AOX1: variants seen among roughly 807,000 people sequenced by gnomAD.
The protein encoded by AOX1 is aldehyde oxidase.
A neutral mutation model predicts 169.5 loss-of-function variants in AOX1; 153 were observed. The ratio of observed to expected loss-of-function variants is 0.90; its 90% CI spans 0.79 to 1.03. AOX1 has a LOEUF of 1.03. Ranked by LOEUF, AOX1 falls within the 50% of genes least tolerant of loss-of-function variation. The pLI, the probability that AOX1 is intolerant of heterozygous loss-of-function variation, is 0.00. For synonymous variants in AOX1, 562 were observed against 581.9 expected (o/e 0.97, Z 0.49); for missense variants, 1,656 against 1,663.9 (o/e 1.00, Z 0.08).
At position 200,651,090 on chromosome 2, in the gene AOX1, G is replaced by A. The variant is rs35999824; in HGVS notation, c.2964G>A (p.Leu988=). Residue 988 remains leucine (L), a synonymous_variant, in exon 26 of 35, where the codon TTG becomes TTA. Transcript: ENST00000374700. The stretch of plus-strand genomic sequence containing the variant: ...GTATGGCCATGTCTTCCTACTCCTT[G>A]AGGAAAGTTGCTGTGGAAAAGTTCA... ...RECMAMSSYS[L]RKVAVEKFNA... 1.5e-4 allele frequency: 239 copies of A among 1,614,178 alleles called. 5 individuals carry two copies. In the East Asian group the frequency reaches 4.1e-3, roughly 28 times the overall value.
At chr2:200,601,530 C>A (rs183604370) in intron 5 of AOX1, among the ~76,000 whole-genome samples, 1 of 152,026 alleles carries the variant, frequency 6.6e-6, no homozygotes, top group Non-Finnish European at 1.5e-5. Flanking sequence ...ATAACATTGA[C>A]CGTGGTGATG....
chr2:200,598,774 T>G (rs2034342736), intron 4 of AOX1, among the ~76,000 whole-genome samples: 1 of 151,952 alleles, frequency 6.6e-6, no homozygotes. Flanking sequence ...TTCCTCATTT[T>G]TATTGAAGTT....
Position 200,660,068 on chromosome 2 carries a change from G to A in AOX1, c.3374G>A (p.Trp1125Ter). ...AATCCTAAAGGAACTTGGAAAGACT[G>A]GGTGAGAATCAATGGTTCTCTGTAT... The part of the protein sequence containing the change: ...SKNPKGTWKD[W>*]AQTAFDESIN... Residue 1125 changes from tryptophan (W) to a stop codon, truncating the protein, a stop_gained and splice_region_variant, in exon 29 of 35, where the codon TGG becomes TAG. Coordinates refer to ENST00000374700, the MANE Select transcript of AOX1 (RefSeq NM_001159.4). LOFTEE classifies it high-confidence loss of function. The A allele has an allele frequency of 6.2e-7, 1 of 1,612,658 alleles. No homozygotes were observed.
At chr2:200,630,862 A>C (rs2035111317) in intron 20 of AOX1, among the ~76,000 whole-genome samples, 1 of 152,074 alleles carries the variant, frequency 6.6e-6, no homozygotes, top group African/African-American at 2.4e-5. Flanking sequence ...GGGTAAGGGG[A>C]GGGAGAGCAT....
chr2:200,651,130 TG>T lies in AOX1; in HGVS notation c.3006del (p.Trp1002Ter). On this transcript the variant is annotated frameshift_variant, in exon 26 of 35. Coordinates refer to ENST00000374700, the MANE Select transcript of AOX1 (RefSeq NM_001159.4). LOFTEE classifies it high-confidence loss of function. ...AVEKFNAENYWKKKGLAMVPL... is the reference protein window; with the variant it reads ...AVEKFNAENYXKKKGLAMVPL... ...GGAAAAGTTCAATGCAGAGAATTAT[TG>T]GAAGAAGAAAGGACTGGCCATGGTC... 6.2e-7 allele frequency: 1 copy of T among 1,614,190 alleles called. No individual in the cohort carries two copies. Among genetic ancestry groups the T allele is most frequent in the Non-Finnish European group, 8.5e-7 (1 of 1,180,028 alleles).
intron 4 of AOX1, among the ~76,000 whole-genome samples, chr2:200,599,173 A>T (rs1382114799): frequency 1.3e-5 from 2 of 152,030 alleles, no homozygotes; most frequent in East Asian, 1.9e-4. Flanking sequence ...TTTTTTATTT[A>T]TTTTTTTTCC....
chr2:200,619,696 A>T (rs1463574736), intron 16 of AOX1, among the ~76,000 whole-genome samples: 2 of 152,232 alleles, frequency 1.3e-5, no homozygotes, highest in Non-Finnish European at 2.9e-5. Context: ...CAACAGCAAG[A>T]TATTCTGCTC....
chr2:200,638,607 C>A (rs1247706491), intron 23 of AOX1, among the ~76,000 whole-genome samples: 1 of 152,124 alleles, frequency 6.6e-6, no homozygotes, highest in Non-Finnish European at 1.5e-5. Flanking sequence ...GATCTGATTA[C>A]CATACTTCTT....
chr2:200,663,685 G>C (rs1300860264), intron 31 of AOX1, among the ~76,000 whole-genome samples: 1 of 151,606 alleles, frequency 6.6e-6, no homozygotes, highest in Admixed American at 6.6e-5. Context: ...GCCACTTACT[G>C]GTCACTGTCA....
At chr2:200,638,031 T>C in intron 22 of AOX1, 184 bp from the exon 23 acceptor site, 1 of 512,924 alleles carries the variant, frequency 1.9e-6, no homozygotes, top group Non-Finnish European at 3.6e-6. Flanking sequence ...CATTATTCCC[T>C]GACCTAACGG....
chr2:200,679,493 G>A (rs1419837912), downstream of AOX1: 1 of 152,138 alleles, frequency 6.6e-6, no homozygotes, highest in East Asian at 1.9e-4. Flanking sequence ...ATCGCTTATG[G>A]TTTCAGAGGA....
intron 2 of AOX1, among the ~76,000 whole-genome samples, chr2:200,593,692 C>A (rs751422656): frequency 3.3e-5 from 5 of 152,130 alleles, no homozygotes; most frequent in African/African-American, 1.2e-4. Context: ...GGCTACCCGA[C>A]GGTGAAAGAC....
At position 200,636,993 on chromosome 2, in the gene AOX1, A is replaced by G; in HGVS notation, c.2429A>G (p.Lys810Arg). ...VRRVGGAFGG[K>R]VLKTGIIAAV... ...CGTGTTGGTGGAGCGTTTGGAGGGA[A>G]GGTGTTAAAAACCGGAATCATTGCA... is the stretch of plus-strand genomic sequence containing the variant. Residue 810 changes from lysine (K) to arginine (R), a missense_variant, in exon 22 of 35, where the codon AAG becomes AGG. By Grantham distance (26) the Lys-to-Arg change is conservative. Coordinates refer to ENST00000374700, the MANE Select transcript of AOX1 (RefSeq NM_001159.4). 6.2e-7 allele frequency: 1 copy of G among 1,614,144 alleles called. No homozygotes were observed. Among genetic ancestry groups the G allele is most frequent in the Non-Finnish European group, 8.5e-7 (1 of 1,179,998 alleles).
At chr2:200,666,553 G>A in intron 31 of AOX1, 134 bp from the exon 32 acceptor site, 1 of 471,220 alleles carries the variant, frequency 2.1e-6, no homozygotes. Context: ...TAAAATCTTT[G>A]TTGCTTCTTT....
chr2:200,586,039 C>A lies in AOX1; in HGVS notation c.-70C>A. ...ACTCGGCGGGTCGGTGCCGCCGGGT[C>A]CCAGGTGCCCGCTACTTCCCAGAAC... On this transcript the variant is annotated 5_prime_UTR_variant, in exon 1 of 35. Transcript: ENST00000374700. The A allele has an allele frequency of 6.5e-7, 1 of 1,530,762 alleles. No individual in the cohort carries two copies. Among genetic ancestry groups the A allele is most frequent in the Non-Finnish European group, 8.8e-7 (1 of 1,134,596 alleles). 94.8% of individuals were successfully genotyped at this position (1,530,762 alleles called of 1,614,324 possible).
rs1299224098 is a variant in AOX1 at position 200,634,820 on chromosome 2, T to A, written c.2251T>A (p.Phe751Ile). Reference protein sequence around the residue: ...GEIHMGGQEHFYMETQSMLVV... With the variant: ...GEIHMGGQEHIYMETQSMLVV... ...AATACATATGGGAGGTCAAGAACAT[T>A]TTTATATGGAAACCCAAAGCATGCT... The change falls in exon 21 of 35, where the codon TTT becomes ATT. Residue 751 changes from phenylalanine to isoleucine, a missense_variant. By Grantham distance (21) the Phe-to-Ile change is conservative. Coordinates refer to ENST00000374700, the MANE Select transcript of AOX1 (RefSeq NM_001159.4). The A allele has an allele frequency of 1.9e-6, 3 of 1,613,888 alleles. No individual in the cohort carries two copies. In the African/African-American group the frequency reaches 4.0e-5, roughly 22 times the overall value.
At chr2:200,614,521 G>C (rs918379245) in intron 15 of AOX1, among the ~76,000 whole-genome samples, 3 of 152,080 alleles carry the variant, frequency 2.0e-5, no homozygotes, top group Admixed American at 6.5e-5. Flanking sequence ...CTTTTGCCTG[G>C]TCTCTCTTAG....
chr2:200,668,360 C>T (rs1206231789), intron 32 of AOX1, among the ~76,000 whole-genome samples: 1 of 152,032 alleles, frequency 6.6e-6, no homozygotes, highest in African/African-American at 2.4e-5. Context: ...CCGCCTGCCT[C>T]GGCCTCCCAA....
rs776707810 is a variant in AOX1, at chr2:200,593,179, C to T, written c.79C>T (p.Leu27=). Residue 27 remains leucine, a synonymous_variant, in exon 2 of 35, where the codon CTG becomes TTG. Coordinates refer to ENST00000374700, the MANE Select transcript of AOX1 (RefSeq NM_001159.4). The part of the protein sequence containing the change: ...IEKNVDPETM[L]LPYLRKKLRL... ...AAAAAATGTCGATCCTGAAACAATG[C>T]TGTTGCCTTATTTGAGGAAGAAGCG... 56 of 1,613,562 alleles carry T rather than the reference C, an allele frequency of 3.5e-5. No individual in the cohort carries two copies. The highest frequency in any genetic ancestry group is 4.7e-5 in the Non-Finnish European group (55 of 1,179,796).
Sources: gnomAD v4.1 joint callset for allele counts (sites outside exome capture counted in the v4.1 genomes callset) on GRCh38, gnomAD v4.1.1 for gene constraint, MANE v1.5 for transcripts, NCBI Gene and HGNC (gene_info 2026-07-23, HGNC 2026-07-21) for gene names.